The following ZNF407 variants were observed in gnomAD, a reference collection of about 807,000 sequenced individuals.
ZNF407 encodes zinc finger protein 407.
A neutral mutation model predicts 131.2 loss-of-function variants in ZNF407; 17 were observed. The observed-to-expected ratio is 0.13, with a 90% CI of 0.09 to 0.19. The LOEUF is 0.19. Among genes scored for constraint, ZNF407 ranks in the 10% least tolerant of loss-of-function variants. The pLI, the probability that ZNF407 is intolerant of heterozygous loss-of-function variation, is 1.00. For missense variants in ZNF407, 2,681 were observed against 2,830.6 expected (o/e 0.95, Z 1.20); for synonymous variants, 1,156 against 1,062.0 (o/e 1.09, Z -1.72).
At chr18:74,739,491 G>T (rs898647858) in intron 3 of ZNF407, among the ~76,000 whole-genome samples, 3 of 151,388 alleles carry the variant, frequency 2.0e-5, no homozygotes, top group Non-Finnish European at 4.4e-5. Flanking sequence ...TTTGGGCTCA[G>T]CTTTCCTTTT....
intron 4 of ZNF407, among the ~76,000 whole-genome samples, chr18:74,785,584 C>T (rs745914038): frequency 1.5e-4 from 23 of 152,158 alleles, no homozygotes; most frequent in Non-Finnish European, 5.9e-5. Context: ...TCTTTTCTCT[C>T]CTTTTTCTCT....
intron 7 of ZNF407, among the ~76,000 whole-genome samples, 161 bp from the exon 8 acceptor site, chr18:74,920,353 G>A (rs889097904): frequency 6.6e-6 from 1 of 152,146 alleles, no homozygotes; most frequent in Non-Finnish European, 1.5e-5. Flanking sequence ...AAAACTACCA[G>A]CCTCATAAGG....
At chr18:74,975,579 T>C (rs1972519021) in intron 8 of ZNF407, among the ~76,000 whole-genome samples, 2 of 152,206 alleles carry the variant, frequency 1.3e-5, no homozygotes, top group Non-Finnish European at 1.5e-5. Flanking sequence ...TTTATAACCT[T>C]ATGAAATTAT....
intron 3 of ZNF407, among the ~76,000 whole-genome samples, chr18:74,684,446 A>T (rs1967052733): frequency 2.0e-5 from 3 of 152,212 alleles, no homozygotes; most frequent in Admixed American, 2.0e-4. Flanking sequence ...ATACTTACGA[A>T]ATAGTAAAGT....
chr18:74,897,465 A>G lies in ZNF407; in HGVS notation c.5249+7427A>G, dbSNP rs887113659. ...GAATCCAGATAAACATGTTTATTAA[A>G]CCTGCTGTTGTTGAATCGCAAATCC... On this transcript the variant is annotated intron_variant, in intron 7 of 8. Transcript: ENST00000299687. 8.5e-5 allele frequency among the ~76,000 whole-genome samples: 13 copies of G among 152,164 alleles called. 1 individual carries two copies. The highest frequency in any genetic ancestry group is 1.6e-4 in the Non-Finnish European group (11 of 68,028).
At chr18:74,888,260 A>T (rs1347392083) in intron 6 of ZNF407, among the ~76,000 whole-genome samples, 1 of 152,118 alleles carries the variant, frequency 6.6e-6, no homozygotes, top group Non-Finnish European at 1.5e-5. Context: ...CAGGGGAGTG[A>T]GGTATTCTCT....
intron 1 of ZNF407, among the ~76,000 whole-genome samples, chr18:74,619,275 C>A (rs1469328542): frequency 1.3e-5 from 2 of 152,162 alleles, no homozygotes; most frequent in Non-Finnish European, 2.9e-5. Context: ...CAAGGCTCAG[C>A]CAAGTTTTGT....
intron 3 of ZNF407, among the ~76,000 whole-genome samples, chr18:74,758,731 C>T (rs984212253): frequency 5.9e-5 from 9 of 152,048 alleles, no homozygotes; most frequent in Non-Finnish European, 1.0e-4. Flanking sequence ...GCTCAGATTA[C>T]AGATGTGTGC....
chr18:75,038,486 A>G (rs1189791618), intron 8 of ZNF407, among the ~76,000 whole-genome samples: 3 of 152,234 alleles, frequency 2.0e-5, no homozygotes, highest in Non-Finnish European at 2.9e-5. Flanking sequence ...GCCAAAGTGT[A>G]CACCTGACAT....
chr18:74,947,777 A>G (rs1478938027), intron 8 of ZNF407, among the ~76,000 whole-genome samples: 1 of 152,230 alleles, frequency 6.6e-6, no homozygotes, highest in African/African-American at 2.4e-5. Context: ...TCCTTCAATG[A>G]AAGTGAAGCG....
At chr18:75,004,424 C>G (rs186415751) in intron 8 of ZNF407, among the ~76,000 whole-genome samples, 1 of 152,148 alleles carries the variant, frequency 6.6e-6, no homozygotes, top group Non-Finnish European at 1.5e-5. Flanking sequence ...AGCACTGTTG[C>G]GGGGGAGACA....
chr18:75,064,034 G>C lies in ZNF407; in HGVS notation c.6313G>C (p.Val2105Leu). The change falls in exon 9 of 9, where the codon GTG becomes CTG. Residue 2105 changes from valine (V) to leucine (L), a missense_variant. Physicochemically the swap from Val to Leu is conservative, Grantham distance 32 (BLOSUM62 1). Coordinates refer to ENST00000299687, the MANE Select transcript of ZNF407 (RefSeq NM_017757.3). Reference protein sequence around the residue: ...GQLVKDGVTQVVVSEEGAVHM... With the variant: ...GQLVKDGVTQLVVSEEGAVHM... ...GTTGGTCAAGGACGGTGTCACCCAG[G>C]TGGTGGTGAGCGAAGAGGGTGCCGT... The C allele has an allele frequency of 6.2e-7, 1 of 1,602,226 alleles. No homozygotes were observed. The highest frequency in any genetic ancestry group is 1.3e-5 in the African/African-American group (1 of 74,740).
At chr18:74,720,719 A>T (rs930525653) in intron 3 of ZNF407, among the ~76,000 whole-genome samples, 1 of 152,060 alleles carries the variant, frequency 6.6e-6, no homozygotes, top group Non-Finnish European at 1.5e-5. Flanking sequence ...TCTGCAAATG[A>T]ATATCAGATA....
intron 8 of ZNF407, among the ~76,000 whole-genome samples, chr18:75,015,536 G>T (rs1973032924): frequency 6.8e-6 from 1 of 146,898 alleles, no homozygotes; most frequent in African/African-American, 2.5e-5. Context: ...ATATATAAAT[G>T]ATTAATATCA....
intron 4 of ZNF407, among the ~76,000 whole-genome samples, chr18:74,825,463 C>T (rs1385554922): frequency 6.6e-6 from 1 of 152,234 alleles, no homozygotes; most frequent in African/African-American, 2.4e-5. Flanking sequence ...AGCCCAAAAT[C>T]TCCTTAAGCT....
At position 74,634,061 on chromosome 18, in the gene ZNF407, A is replaced by G. The variant is rs1166625332; in HGVS notation, c.3042A>G (p.Thr1014=). ...ACTCCCAGAGAGATGTTACAGGCACAGGTGAGAATAAGTGTTTGCACTGTG... is the reference window on the plus strand; with the variant it reads ...ACTCCCAGAGAGATGTTACAGGCACGGGTGAGAATAAGTGTTTGCACTGTG... The part of the protein sequence containing the change: ...DVYSQRDVTG[T]GENKCLHCEF... The change falls in exon 2 of 9, where the codon ACA becomes ACG. Residue 1014 remains threonine, a synonymous_variant. Coordinates refer to ENST00000299687, the MANE Select transcript of ZNF407 (RefSeq NM_017757.3). 74 of 1,613,958 alleles carry G rather than the reference A, an allele frequency of 4.6e-5. No homozygotes were observed. The highest frequency in any genetic ancestry group is 5.5e-5 in the Non-Finnish European group (65 of 1,179,916).
At chr18:74,803,100 T>C (rs1970048698) in intron 4 of ZNF407, among the ~76,000 whole-genome samples, 1 of 152,130 alleles carries the variant, frequency 6.6e-6, no homozygotes, top group South Asian at 2.1e-4. Context: ...GAGAGCTAAG[T>C]CCAGCGTTAC....
At chr18:75,028,927 T>C (rs1217586911) in intron 8 of ZNF407, among the ~76,000 whole-genome samples, 1 of 152,208 alleles carries the variant, frequency 6.6e-6, no homozygotes, top group East Asian at 1.9e-4. Flanking sequence ...GACTTCACTT[T>C]TAGATCAGAC....
At position 75,065,047 on chromosome 18, in the gene ZNF407, G is replaced by A. The variant is rs1469773408; in HGVS notation, c.*579G>A. ...GAATAACAGTGTCCCCATACCAAAG[G>A]AAGCCTGCTAGCTCATTTCATGTAT... On this transcript the variant is annotated 3_prime_UTR_variant, in exon 9 of 9. Coordinates refer to ENST00000299687, the MANE Select transcript of ZNF407 (RefSeq NM_017757.3). 1.3e-5 allele frequency: 2 copies of A among 152,330 alleles called. No homozygotes were observed. The highest frequency in any genetic ancestry group is 3.9e-4 in the East Asian group (2 of 5,180). 9.4% of individuals were successfully genotyped at this position (152,330 alleles called of 1,614,324 possible).
Sources: gnomAD v4.1 joint callset for allele counts (sites outside exome capture counted in the v4.1 genomes callset) on GRCh38, gnomAD v4.1.1 for gene constraint, MANE v1.5 for transcripts, NCBI Gene and HGNC (gene_info 2026-07-23, HGNC 2026-07-21) for gene names.